Variants in PALM2AKAP2 observed in about 807,000 individuals in gnomAD.
PALM2AKAP2 encodes the protein PALM2-AKAP2 fusion protein.
Under a neutral mutation model 71.5 loss-of-function variants are expected in PALM2AKAP2, and 37 were observed. That is an observed-to-expected ratio of 0.52 (90% CI 0.40 to 0.68). PALM2AKAP2 has a LOEUF of 0.68. Among genes scored for constraint, PALM2AKAP2 ranks in the 30% least tolerant of loss-of-function variants. The pLI is 0.00. For synonymous variants in PALM2AKAP2, 468 were observed against 478.8 expected, an observed-to-expected ratio of 0.98 and a Z score of 0.29; for missense variants, 1,224 against 1,191.8, an observed-to-expected ratio of 1.03 and a Z score of -0.40.
chr9:109,801,627 C>T (rs1463779297), intron 1 of PALM2AKAP2, among the ~76,000 whole-genome samples: 1 of 152,164 alleles, frequency 6.6e-6, no homozygotes, highest in Non-Finnish European at 1.5e-5. Context: ...AGCCAGGACT[C>T]CAGGACCTGG....
intron 1 of PALM2AKAP2, among the ~76,000 whole-genome samples, chr9:110,054,182 C>G (rs1833780470): frequency 6.6e-6 from 1 of 152,196 alleles, no homozygotes; most frequent in Non-Finnish European, 1.5e-5. Flanking sequence ...GGTGAATCAC[C>G]TGAGGTCGGG....
At chr9:110,035,867 T>C (rs1426080589) in intron 7 of PALM2AKAP2, among the ~76,000 whole-genome samples, 1 of 140,686 alleles carries the variant, frequency 7.1e-6, no homozygotes, top group Non-Finnish European at 1.6e-5. Context: ...TTGTGTGTTA[T>C]ATATAACATA....
At chr9:109,859,610 C>T (rs1431934451) in intron 1 of PALM2AKAP2, among the ~76,000 whole-genome samples, 3 of 152,186 alleles carry the variant, frequency 2.0e-5, no homozygotes, top group Non-Finnish European at 4.4e-5. Flanking sequence ...ACAAAGCTGG[C>T]AGTTCCTTCT....
intron 7 of PALM2AKAP2, among the ~76,000 whole-genome samples, chr9:110,024,360 G>A (rs1334380270): frequency 6.6e-6 from 1 of 151,720 alleles, no homozygotes; most frequent in African/African-American, 2.4e-5. Flanking sequence ...TATAAATGGA[G>A]TCATACAACA....
At chr9:110,170,056 CTATT>C (rs2119303431) in exon 4 of PALM2AKAP2, 1 of 152,620 alleles carries the variant, frequency 6.6e-6, no homozygotes, top group South Asian at 2.1e-4. Context: ...GGAGAGTCTC[CTATT>C]TATTCTCATA....
At chr9:109,795,933 T>C (rs1827240775) in intron 1 of PALM2AKAP2, among the ~76,000 whole-genome samples, 1 of 152,152 alleles carries the variant, frequency 6.6e-6, no homozygotes, top group South Asian at 2.1e-4. Context: ...GGAATAGAAG[T>C]CAGGGAACAA....
chr9:110,001,410 A>G (rs143423949), intron 6 of PALM2AKAP2, among the ~76,000 whole-genome samples: 2,222 of 152,288 alleles, frequency 0.015, 62 homozygotes, highest in African/African-American at 0.051. Flanking sequence ...TGTTTTGGTT[A>G]CTGTAACCTT....
At chr9:109,711,474 A>G (rs1193350846) in intron 1 of PALM2AKAP2, among the ~76,000 whole-genome samples, 1 of 152,222 alleles carries the variant, frequency 6.6e-6, no homozygotes, top group Non-Finnish European at 1.5e-5. Flanking sequence ...GTTGTGTTAT[A>G]GATATTTGGT....
At chr9:110,023,131 C>G (rs1224533345) in intron 7 of PALM2AKAP2, among the ~76,000 whole-genome samples, 1 of 150,864 alleles carries the variant, frequency 6.6e-6, no homozygotes, top group East Asian at 1.9e-4. Context: ...ATTTCTAGTT[C>G]TAGATCCCTG....
intron 1 of PALM2AKAP2, among the ~76,000 whole-genome samples, chr9:109,765,909 G>T (rs1356400127): frequency 6.6e-6 from 1 of 152,154 alleles, no homozygotes; most frequent in African/African-American, 2.4e-5. Context: ...CGGGGACTTG[G>T]TATCAACCCA....
intron 1 of PALM2AKAP2, among the ~76,000 whole-genome samples, chr9:109,677,808 C>A (rs1352187917): frequency 2.0e-5 from 3 of 152,108 alleles, no homozygotes; most frequent in Non-Finnish European, 4.4e-5. Context: ...GCGGAACAAC[C>A]TAGAAGGAAT....
intron 1 of PALM2AKAP2, among the ~76,000 whole-genome samples, chr9:110,058,373 T>C (rs903055793): frequency 6.6e-6 from 1 of 152,204 alleles, no homozygotes; most frequent in African/African-American, 2.4e-5. Flanking sequence ...TTTCTAAGCA[T>C]GTACTGAGTA....
At chr9:109,900,827 C>T (rs985416440) in intron 3 of PALM2AKAP2, among the ~76,000 whole-genome samples, 5 of 152,194 alleles carry the variant, frequency 3.3e-5, no homozygotes, top group African/African-American at 1.2e-4. Context: ...TTCTTACCAC[C>T]AAAAGACAGT....
chr9:109,747,333 A>G (rs1373375607), intron 1 of PALM2AKAP2, among the ~76,000 whole-genome samples: 1 of 152,174 alleles, frequency 6.6e-6, no homozygotes, highest in African/African-American at 2.4e-5. Flanking sequence ...AAAATTATAA[A>G]TGCCTTCTTA....
chr9:109,721,552 C>T (rs1219038316), intron 1 of PALM2AKAP2, among the ~76,000 whole-genome samples: 1 of 152,076 alleles, frequency 6.6e-6, no homozygotes, highest in Non-Finnish European at 1.5e-5. Context: ...CAGAGATTTT[C>T]TTTATTTTGG....
intron 1 of PALM2AKAP2, among the ~76,000 whole-genome samples, chr9:109,862,053 A>G (rs1040233420): frequency 6.6e-6 from 1 of 152,200 alleles, no homozygotes; most frequent in African/African-American, 2.4e-5. Context: ...CAAGGAGCCC[A>G]TAGTTTGTTA....
intron 6 of PALM2AKAP2, among the ~76,000 whole-genome samples, chr9:110,001,860 A>C (rs149389319): frequency 0.011 from 1,659 of 151,876 alleles, 22 homozygotes; most frequent in Middle Eastern, 0.027. Flanking sequence ...TTGCACATTG[A>C]TTTTGTATCC....
intron 7 of PALM2AKAP2, among the ~76,000 whole-genome samples, chr9:110,018,739 T>C (rs1218894693): frequency 6.6e-6 from 1 of 152,232 alleles, no homozygotes; most frequent in Non-Finnish European, 1.5e-5. Flanking sequence ...ATTTTCTAGG[T>C]GGATATAACT....
At chr9:109,807,750 A>G (rs1413977622) in intron 1 of PALM2AKAP2, among the ~76,000 whole-genome samples, 1 of 152,146 alleles carries the variant, frequency 6.6e-6, no homozygotes, top group Non-Finnish European at 1.5e-5. Context: ...TGGTTTAGCT[A>G]TGTCCCGACC....
Sources: gnomAD v4.1 joint callset for allele counts (sites outside exome capture counted in the v4.1 genomes callset) on GRCh38, gnomAD v4.1.1 for gene constraint, MANE v1.5 for transcripts, NCBI Gene and HGNC (gene_info 2026-07-23, HGNC 2026-07-21) for gene names.